The following PCDH15 variants were observed in gnomAD, a reference collection of about 807,000 sequenced individuals.
PCDH15 encodes protocadherin-15.
In PCDH15, 129 loss-of-function variants were observed where a neutral mutation model predicts 178.5. The ratio of observed to expected loss-of-function variants is 0.72; its 90% CI spans 0.63 to 0.84. The LOEUF is 0.84. Ranked by LOEUF, PCDH15 falls within the 40% of genes least tolerant of loss-of-function variation. The pLI is 0.00. For missense variants in PCDH15, 2,230 were observed against 2,099.9 expected (o/e 1.06, Z -1.21); for synonymous variants, 800 against 732.0 (o/e 1.09, Z -1.50).
chr10:54,147,115 C>G lies in PCDH15; in HGVS notation c.1784+5985G>C, dbSNP rs181686608. The stretch of plus-strand genomic sequence containing the variant: ...CTGAAAGCAAAGCCTCATAACTTTT[C>G]AGTTCATTCATCAATTCAATTTGAA... On this transcript the variant is annotated intron_variant, in intron 14 of 37. Transcript: ENST00000644397. 2.2e-3 allele frequency among the ~76,000 whole-genome samples: 327 copies of G among 150,676 alleles called. 2 individuals carry two copies. The highest frequency in any genetic ancestry group is 7.2e-3 in the African/African-American group (295 of 41,238).
At chr10:54,812,411 C>A (rs1180428296) in intron 3 of PCDH15, among the ~76,000 whole-genome samples, 1 of 151,868 alleles carries the variant, frequency 6.6e-6, no homozygotes, top group Non-Finnish European at 1.5e-5. Context: ...GCTGGGATTA[C>A]AAGTGCGTGC....
chr10:54,241,451 C>A (rs928213981), intron 8 of PCDH15, among the ~76,000 whole-genome samples: 1 of 152,122 alleles, frequency 6.6e-6, no homozygotes, highest in African/African-American at 2.4e-5. Context: ...GGTCTGTGGG[C>A]AGAAATTATC....
At chr10:54,358,248 G>C (rs1487545034) in intron 5 of PCDH15, among the ~76,000 whole-genome samples, 1 of 149,906 alleles carries the variant, frequency 6.7e-6, no homozygotes, top group Non-Finnish European at 1.5e-5. Flanking sequence ...ATGGGAGAAA[G>C]TTTTCGCAAC....
intron 2 of PCDH15, among the ~76,000 whole-genome samples, chr10:54,547,559 G>C (rs1227516696): frequency 1.3e-5 from 2 of 152,032 alleles, no homozygotes; most frequent in Non-Finnish European, 2.9e-5. Flanking sequence ...TCTGCAACTT[G>C]GCTATTTCTC....
chr10:54,488,605 A>C (rs2079310056), intron 3 of PCDH15, among the ~76,000 whole-genome samples: 1 of 151,978 alleles, frequency 6.6e-6, no homozygotes, highest in African/African-American at 2.4e-5. Context: ...AATATACTAG[A>C]ATCAGTACTG....
intron 23 of PCDH15, among the ~76,000 whole-genome samples, chr10:53,956,359 C>T (rs1445504365): frequency 5.9e-5 from 9 of 151,978 alleles, no homozygotes; most frequent in Non-Finnish European, 1.0e-4. Context: ...CCTCAATGGT[C>T]TTCAAAAAGA....
intron 2 of PCDH15, among the ~76,000 whole-genome samples, chr10:55,125,743 T>C (rs1837882890): frequency 6.6e-6 from 1 of 152,092 alleles, no homozygotes; most frequent in Non-Finnish European, 1.5e-5. Context: ...TTTTGTTTTG[T>C]TTGTATTTTC....
intron 2 of PCDH15, among the ~76,000 whole-genome samples, chr10:55,148,601 G>T (rs1838599284): frequency 1.3e-5 from 2 of 151,602 alleles, no homozygotes; most frequent in South Asian, 4.2e-4. Flanking sequence ...TAACCTTTCA[G>T]ATCTACAATT....
chr10:54,235,610 A>G (rs948053836), intron 9 of PCDH15, among the ~76,000 whole-genome samples: 4 of 152,150 alleles, frequency 2.6e-5, no homozygotes, highest in South Asian at 2.1e-4. Flanking sequence ...ATGAGCCTAC[A>G]TGTGGTTCAA....
At chr10:55,081,188 C>T (rs1842032291) in intron 2 of PCDH15, among the ~76,000 whole-genome samples, 1 of 152,292 alleles carries the variant, frequency 6.6e-6, no homozygotes, top group African/African-American at 2.4e-5. Flanking sequence ...TCTTCCATCT[C>T]CTTCTCTGCC....
chr10:53,982,785 C>T (rs970363216), intron 21 of PCDH15, among the ~76,000 whole-genome samples: 5 of 151,548 alleles, frequency 3.3e-5, no homozygotes, highest in African/African-American at 1.2e-4. Context: ...CTAACCTGCA[C>T]ATTGTGCACA....
chr10:54,223,552 A>ATTTTTTTTTTTTTTTTTT (rs2053113997), intron 9 of PCDH15, among the ~76,000 whole-genome samples: 2 of 99,338 alleles, frequency 2.0e-5, no homozygotes, highest in African/African-American at 3.3e-5. Flanking sequence ...CTTTTGCTTC[A>ATTTTTTTTTTTTTTTTTT]TATTATTTTT....
chr10:55,119,451 A>AT (rs1005600341), intron 2 of PCDH15, among the ~76,000 whole-genome samples: 7 of 151,876 alleles, frequency 4.6e-5, no homozygotes, highest in Admixed American at 3.3e-4. Context: ...TGAGATCTAC[A>AT]TTTTTTGCAC....
intron 6 of PCDH15, among the ~76,000 whole-genome samples, chr10:54,331,372 C>T (rs961997747): frequency 6.6e-6 from 1 of 151,778 alleles, no homozygotes; most frequent in Non-Finnish European, 1.5e-5. Context: ...ATTCTGTGCT[C>T]CTCATGTAAT....
chr10:54,170,969 G>A (rs1321411691), intron 13 of PCDH15, among the ~76,000 whole-genome samples: 1 of 151,976 alleles, frequency 6.6e-6, no homozygotes, highest in African/African-American at 2.4e-5. Context: ...CCCCACCCAG[G>A]ACTGGCAAAT....
At chr10:55,616,494 T>C (rs1418382477) in intron 2 of PCDH15, among the ~76,000 whole-genome samples, 2 of 148,648 alleles carry the variant, frequency 1.3e-5, no homozygotes, top group African/African-American at 2.5e-5. Flanking sequence ...GTTTTCATTA[T>C]TGTGATGTAT....
At chr10:54,877,936 CTCTTTTTTTTTTTTTTTTTTTTTTTTTT>C (rs1184431003) in intron 3 of PCDH15, among the ~76,000 whole-genome samples, 4 of 104,326 alleles carry the variant, frequency 3.8e-5, no homozygotes, top group Non-Finnish European at 6.0e-5. Flanking sequence ...CTCTCTCTCT[CTCTTTTTTTTTTTTTTTTTTTTTTTTTT>C]TTTTTTTTTT....
intron 2 of PCDH15, among the ~76,000 whole-genome samples, chr10:54,663,252 C>T (rs925659268): frequency 2.6e-5 from 4 of 151,590 alleles, no homozygotes; most frequent in Non-Finnish European, 5.9e-5. Flanking sequence ...CCTTTGCTGC[C>T]GTTAAGAGCA....
At chr10:55,205,045 A>G (rs1840357496) in intron 1 of PCDH15, among the ~76,000 whole-genome samples, 1 of 152,092 alleles carries the variant, frequency 6.6e-6, no homozygotes, top group Non-Finnish European at 1.5e-5. Flanking sequence ...TTGAATAAAC[A>G]GGCTCCTCAG....
Sources: gnomAD v4.1 joint callset for allele counts (sites outside exome capture counted in the v4.1 genomes callset) on GRCh38, gnomAD v4.1.1 for gene constraint, MANE v1.5 for transcripts, NCBI Gene and HGNC (gene_info 2026-07-23, HGNC 2026-07-21) for gene names.